Variants in CCDC171 observed in about 807,000 individuals in gnomAD.
CCDC171 encodes the protein coiled-coil domain containing 171.
A neutral mutation model predicts 168.2 loss-of-function variants in CCDC171; 177 were observed. The ratio of observed to expected loss-of-function variants is 1.05; its 90% CI spans 0.93 to 1.19. The LOEUF is 1.19. CCDC171 is among the 50% of genes most tolerant of loss of function. The probability of loss-of-function intolerance (pLI) is 0.00; values close to 1 mark genes in which losing one functional copy is unlikely to be tolerated. For synonymous variants in CCDC171, 687 were observed against 540.8 expected (o/e 1.27, Z -3.75); for missense variants, 1,991 against 1,539.0 (o/e 1.29, Z -4.91).
chr9:15,994,556 C>T (rs1355133404), intron 3 of CCDC171, among the ~76,000 whole-genome samples: 1 of 152,136 alleles, frequency 6.6e-6, no homozygotes, highest in Non-Finnish European at 1.5e-5. Flanking sequence ...GCACATTGTG[C>T]ACATGTACCC....
chr9:15,642,681 C>T (rs1184571386), intron 7 of CCDC171, among the ~76,000 whole-genome samples: 1 of 151,904 alleles, frequency 6.6e-6, no homozygotes, highest in Non-Finnish European at 1.5e-5. Flanking sequence ...TTTTGCTGTC[C>T]TTACTGAGTA....
intron 7 of CCDC171, among the ~76,000 whole-genome samples, chr9:15,651,535 G>A (rs1214526478): frequency 1.3e-5 from 2 of 152,148 alleles, no homozygotes; most frequent in East Asian, 3.9e-4. Context: ...AGGATTACAG[G>A]CATGAGCCAC....
intron 21 of CCDC171, among the ~76,000 whole-genome samples, chr9:15,809,613 G>A (rs753763647): frequency 6.7e-6 from 1 of 149,144 alleles, no homozygotes; most frequent in African/African-American, 2.6e-5. Context: ...CACGTCTGGA[G>A]TTGTTCATTC....
At chr9:15,802,266 A>C (rs2211323) in intron 21 of CCDC171, among the ~76,000 whole-genome samples, 55,986 of 151,514 alleles carry the variant, frequency 0.37, 12,845 homozygotes, top group East Asian at 0.65. Flanking sequence ...TTCAACTTTT[A>C]AGTTTAGGGG....
At chr9:16,077,811 T>C in the CCDC171 span, among the ~76,000 whole-genome samples, 1 of 152,164 alleles carries the variant, frequency 6.6e-6, no homozygotes, top group Admixed American at 6.5e-5. Flanking sequence ...CTTGGACAAA[T>C]GAGGGAGGCA....
Position 15,732,883 on chromosome 9 carries a change from A to G in CCDC171, c.2049+3085A>G, listed in dbSNP as rs2054240424. 6.6e-5 allele frequency among the ~76,000 whole-genome samples: 10 copies of G among 152,272 alleles called. No homozygotes were observed. In the South Asian group the frequency reaches 2.1e-3, roughly 32 times the overall value. On this transcript the variant is annotated intron_variant, in intron 16 of 25. Coordinates refer to ENST00000380701, the MANE Select transcript of CCDC171 (RefSeq NM_173550.4). ...GTAAGTGTAACTTAAGCAACTATTA[A>G]GTTGTTTTTCCAAGTGACTATATCA...
At chr9:15,810,151 C>G (rs1588637923) in intron 21 of CCDC171, among the ~76,000 whole-genome samples, 1 of 152,024 alleles carries the variant, frequency 6.6e-6, no homozygotes, top group African/African-American at 2.4e-5. Context: ...GGTGCATTTA[C>G]AATCCTCTAG....
chr9:15,980,156 A>G (rs57372244), intron 3 of CCDC171, among the ~76,000 whole-genome samples: 11,597 of 152,136 alleles, frequency 0.076, 1,453 homozygotes, highest in African/African-American at 0.26. Context: ...CAAAGCATCT[A>G]ATGTTTTCTG....
At chr9:16,078,414 T>C in the CCDC171 span, among the ~76,000 whole-genome samples, 2 of 152,094 alleles carry the variant, frequency 1.3e-5, no homozygotes, top group African/African-American at 4.8e-5. Flanking sequence ...TGAAAGCCAC[T>C]GGCTGATCTG....
At chr9:15,953,792 G>A (rs73646890) in intron 25 of CCDC171, among the ~76,000 whole-genome samples, 135 of 152,220 alleles carry the variant, frequency 8.9e-4, no homozygotes, top group African/African-American at 3.2e-3. Context: ...TATCAGTGAA[G>A]CCATTTGGTC....
Position 16,000,688 on chromosome 9 carries a change from A to G in CCDC171, n.369-19901A>G, listed in dbSNP as rs1283686954. 2.0e-5 allele frequency among the ~76,000 whole-genome samples: 3 copies of G among 151,356 alleles called. No individual in the cohort carries two copies. The East Asian group carries it at 5.9e-4, about 30-fold the overall frequency. On this transcript the variant is annotated intron_variant and non_coding_transcript_variant, in intron 3 of 9. Transcript: ENST00000486641. Reference sequence around the variant, plus strand: ...TCCCTATTTCCTTGTGACTTACCAAACCACTCTGGAAATTTGACCTTCTCG... The same window carrying G: ...TCCCTATTTCCTTGTGACTTACCAAGCCACTCTGGAAATTTGACCTTCTCG...
intron 21 of CCDC171, among the ~76,000 whole-genome samples, chr9:15,822,801 G>A (rs2059845589): frequency 6.6e-6 from 1 of 152,126 alleles, no homozygotes; most frequent in Non-Finnish European, 1.5e-5. Context: ...TCTAGAACTA[G>A]AAATGCCATT....
rs376378561 is a variant in CCDC171 at position 15,746,974 on chromosome 9, A to G, written c.2671+1343A>G. 2.6e-5 allele frequency among the ~76,000 whole-genome samples: 4 copies of G among 152,320 alleles called. 1 individual carries two copies. The highest frequency in any genetic ancestry group is 1.3e-4 in the Admixed American group (2 of 15,304). On this transcript the variant is annotated intron_variant, in intron 18 of 25. Transcript: ENST00000380701. ...TCCAGTGACTGGCTCGGCGGGTCCC[A>G]TGCCCACAGAGCCCAGCAAGCTAAA... is the stretch of plus-strand genomic sequence containing the variant.
chr9:15,827,662 AC>A (rs1293394526), intron 21 of CCDC171, among the ~76,000 whole-genome samples: 1 of 152,068 alleles, frequency 6.6e-6, no homozygotes, highest in African/African-American at 2.4e-5. Flanking sequence ...TGATATTGTC[AC>A]CTGTTTTTTA....
At chr9:16,057,877 C>G (rs925684987) in intron 1 of CCDC171, among the ~76,000 whole-genome samples, 3 of 152,180 alleles carry the variant, frequency 2.0e-5, no homozygotes, top group Non-Finnish European at 4.4e-5. Flanking sequence ...GGACACCTCC[C>G]TCTATGCCCT....
At position 15,719,445 on chromosome 9, in the gene CCDC171, A is replaced by AGAGAGAGC. The variant is rs1554776019; in HGVS notation, c.1319-2322_1319-2321insGAGAGCGA. 1.0e-3 allele frequency among the ~76,000 whole-genome samples: 63 copies of AGAGAGAGC among 62,434 alleles called. 1 individual carries two copies. Among genetic ancestry groups the AGAGAGAGC allele is most frequent in the African/African-American group, 4.1e-3 (59 of 14,314 alleles). The allele number at this position is 62,434 out of a possible 152,430, so 41.0% of individuals were successfully genotyped here. On this transcript the variant is annotated intron_variant, in intron 11 of 25. Coordinates refer to ENST00000380701, the MANE Select transcript of CCDC171 (RefSeq NM_173550.4). ...GAGAGAGAGAGAGAGAGAGAGAGAG[A>AGAGAGAGC]GAAAGTTTATTCAAATGGATAATAA...
At chr9:15,760,085 A>G (rs1396184842) in intron 18 of CCDC171, among the ~76,000 whole-genome samples, 3 of 152,164 alleles carry the variant, frequency 2.0e-5, no homozygotes, top group Admixed American at 6.5e-5. Context: ...GATGTTTGTT[A>G]TGAGGCAGAA....
chr9:15,610,803 C>T (rs902741015), intron 6 of CCDC171, among the ~76,000 whole-genome samples: 1 of 152,058 alleles, frequency 6.6e-6, no homozygotes, highest in South Asian at 2.1e-4. Context: ...AAGTGGTCAT[C>T]CCGCCTTGGC....
chr9:15,952,219 A>G (rs903878421), intron 25 of CCDC171, among the ~76,000 whole-genome samples: 2 of 152,032 alleles, frequency 1.3e-5, no homozygotes, highest in African/African-American at 2.4e-5. Context: ...TGAGCTCTCT[A>G]TTCTGTTCTA....
Sources: gnomAD v4.1 joint callset for allele counts (sites outside exome capture counted in the v4.1 genomes callset) on GRCh38, gnomAD v4.1.1 for gene constraint, MANE v1.5 for transcripts, NCBI Gene and HGNC (gene_info 2026-07-23, HGNC 2026-07-21) for gene names.